GLYATL3: variants seen among roughly 807,000 people sequenced by gnomAD.
GLYATL3 encodes glycine N-acyltransferase-like protein 3.
A neutral mutation model predicts 28.5 loss-of-function variants in GLYATL3; 31 were observed. The ratio of observed to expected loss-of-function variants is 1.09; its 90% CI spans 0.82 to 1.47. GLYATL3 has a LOEUF of 1.47. Ranked by LOEUF, GLYATL3 falls within the 40% of genes most tolerant of loss-of-function variation. The probability of loss-of-function intolerance (pLI) is 0.00; values close to 1 mark genes in which losing one functional copy is unlikely to be tolerated. For missense variants in GLYATL3, 369 were observed against 351.5 expected, an observed-to-expected ratio of 1.05 and a Z score of -0.40; for synonymous variants, 141 against 140.2, an observed-to-expected ratio of 1.01 and a Z score of -0.04.
chr6:49,503,133 T>C (rs1326293345), intron 1 of GLYATL3, among the ~76,000 whole-genome samples: 1 of 150,088 alleles, frequency 6.7e-6, no homozygotes, highest in Non-Finnish European at 1.5e-5. Context: ...GTGGGGGGAA[T>C]AGGTTGTATG....
At chr6:49,509,948 CTCT>C (rs1231133636) in intron 1 of GLYATL3, among the ~76,000 whole-genome samples, 1,711 of 100,224 alleles carry the variant, frequency 0.017, 26 homozygotes, top group African/African-American at 0.034. Context: ...TATTTTCTTT[CTCT>C]TTCTTTCTTT....
chr6:49,524,623 T>C (rs1034043400), intron 5 of GLYATL3, among the ~76,000 whole-genome samples: 1 of 152,120 alleles, frequency 6.6e-6, no homozygotes, highest in East Asian at 1.9e-4. Context: ...ATACAAATAC[T>C]GCCAATGGAA....
chr6:49,506,172 C>A (rs1041937592), intron 1 of GLYATL3, among the ~76,000 whole-genome samples: 2 of 152,190 alleles, frequency 1.3e-5, no homozygotes, highest in African/African-American at 4.8e-5. Context: ...CTTCTAGCTG[C>A]ATTCCTAAGT....
In GLYATL3 at chr6:49,520,175, C is replaced by T. The variant is rs1360936919; in HGVS notation, c.314-1470C>T. On this transcript the variant is annotated intron_variant, in intron 4 of 5. Transcript: ENST00000371197. ...AAGAGGCAATCAACAAAATCCAAGA[C>T]TGTGAAAACTGCACAGCAAACACCT... Among the ~76,000 whole-genome samples the T allele has an allele frequency of 2.6e-5, 4 of 152,288 alleles. No homozygotes were observed. In the East Asian group the frequency reaches 5.8e-4, roughly 22 times the overall value.
chr6:49,524,733 C>T (rs1448997257), intron 5 of GLYATL3, among the ~76,000 whole-genome samples: 1 of 151,444 alleles, frequency 6.6e-6, no homozygotes, highest in East Asian at 1.9e-4. Flanking sequence ...ACCTGTAATC[C>T]CAGCACTTGC....
chr6:49,525,313 C>G (rs982874129), intron 5 of GLYATL3, among the ~76,000 whole-genome samples: 1 of 151,710 alleles, frequency 6.6e-6, no homozygotes, highest in Admixed American at 6.6e-5. Flanking sequence ...CTGTAATAAT[C>G]CCAACACTTT....
chr6:49,509,948 C>CTTCCTTCCTT (rs68151540), intron 1 of GLYATL3, among the ~76,000 whole-genome samples: 3 of 100,166 alleles, frequency 3.0e-5, no homozygotes, highest in South Asian at 3.4e-4. Flanking sequence ...TATTTTCTTT[C>CTTCCTTCCTT]TCTTTCTTTC....
chr6:49,518,538 A>G (rs1769255973), intron 4 of GLYATL3, among the ~76,000 whole-genome samples: 1 of 152,130 alleles, frequency 6.6e-6, no homozygotes, highest in Non-Finnish European at 1.5e-5. Context: ...TTTTTTTTCA[A>G]CTACAGAAAG....
At chr6:49,522,868 A>G (rs548633237) in intron 5 of GLYATL3, among the ~76,000 whole-genome samples, 63 of 152,310 alleles carry the variant, frequency 4.1e-4, no homozygotes, top group Non-Finnish European at 8.8e-5. Context: ...ACCAATACAT[A>G]GCTGACCTTA....
At chr6:49,506,706 A>AGGACGGCTCAATAGTGT (rs1398893447) in intron 1 of GLYATL3, among the ~76,000 whole-genome samples, 2 of 152,150 alleles carry the variant, frequency 1.3e-5, no homozygotes, top group Admixed American at 1.3e-4. Flanking sequence ...CATGGAGACA[A>AGGACGGCTCAATAGTGT]GGACGGCTCA....
intron 1 of GLYATL3, among the ~76,000 whole-genome samples, chr6:49,504,626 G>A (rs1283728915): frequency 6.6e-6 from 1 of 152,006 alleles, no homozygotes; most frequent in Non-Finnish European, 1.5e-5. Flanking sequence ...CCCTGTTTTT[G>A]TTTAAGTAAT....
intron 1 of GLYATL3, among the ~76,000 whole-genome samples, chr6:49,501,224 A>C (rs369831087): frequency 3.5e-4 from 53 of 150,926 alleles, no homozygotes; most frequent in African/African-American, 1.1e-3. Flanking sequence ...ACATGGTGAA[A>C]CCCCCCATCT....
At chr6:49,503,604 G>T (rs1317364169) in intron 1 of GLYATL3, among the ~76,000 whole-genome samples, 2 of 152,154 alleles carry the variant, frequency 1.3e-5, no homozygotes, top group Non-Finnish European at 2.9e-5. Flanking sequence ...ATCAACAATG[G>T]TATAGTGAGA....
At chr6:49,511,687 A>G (rs560834097) in intron 1 of GLYATL3, among the ~76,000 whole-genome samples, 1 of 152,346 alleles carries the variant, frequency 6.6e-6, no homozygotes, top group East Asian at 1.9e-4. Flanking sequence ...ACTGTTATAC[A>G]TGCTCTGAAG....
chr6:49,527,082 C>T lies in GLYATL3; in HGVS notation c.*168C>T. The T allele has an allele frequency of 1.7e-6, 1 of 572,598 alleles. No homozygotes were observed. The highest frequency in any genetic ancestry group is 1.9e-5 in the African/African-American group (1 of 53,712). The allele number at this position is 572,598 out of a possible 1,614,324, so 35.5% of individuals were successfully genotyped here. A position where few individuals can be genotyped will look rare whatever the true frequency, so the allele number is the denominator to read the frequency against. On this transcript the variant is annotated 3_prime_UTR_variant, in exon 6 of 6. Transcript: ENST00000371197. ...TGAGAAGCCTTAATTTTTCGTATCTCAGGTTTCTCCAGTAAATAGCTGTGG... is the reference window on the plus strand; with the variant it reads ...TGAGAAGCCTTAATTTTTCGTATCTTAGGTTTCTCCAGTAAATAGCTGTGG...
At chr6:49,504,735 A>T (rs1052769648) in intron 1 of GLYATL3, among the ~76,000 whole-genome samples, 3 of 152,058 alleles carry the variant, frequency 2.0e-5, no homozygotes, top group Non-Finnish European at 2.9e-5. Context: ...GATGAAAAAA[A>T]TTTTTAATAG....
At chr6:49,505,666 T>C (rs528548468) in intron 1 of GLYATL3, among the ~76,000 whole-genome samples, 1 of 152,300 alleles carries the variant, frequency 6.6e-6, no homozygotes, top group South Asian at 2.1e-4. Context: ...AGAAAAGGCA[T>C]TTTAAACTTC....
At chr6:49,507,284 C>T (rs1039025252) in intron 1 of GLYATL3, among the ~76,000 whole-genome samples, 13 of 152,130 alleles carry the variant, frequency 8.5e-5, no homozygotes, top group African/African-American at 2.7e-4. Context: ...AGAGCCCAGT[C>T]AGTCCAAACA....
At chr6:49,511,245 C>T (rs1238855418) in intron 1 of GLYATL3, among the ~76,000 whole-genome samples, 1 of 152,006 alleles carries the variant, frequency 6.6e-6, no homozygotes, top group Non-Finnish European at 1.5e-5. Flanking sequence ...GTGAAGCCCC[C>T]AAATCTAAAA....
Sources: gnomAD v4.1 joint callset for allele counts (sites outside exome capture counted in the v4.1 genomes callset) on GRCh38, gnomAD v4.1.1 for gene constraint, MANE v1.5 for transcripts, NCBI Gene and HGNC (gene_info 2026-07-23, HGNC 2026-07-21) for gene names.